The following RAB37 variants were observed in gnomAD, a reference collection of about 807,000 sequenced individuals.
RAB37 encodes RAB37, member RAS oncogene family, also known as ras-related protein Rab-37.
A neutral mutation model predicts 33.1 loss-of-function variants in RAB37; 29 were observed. The ratio of observed to expected loss-of-function variants is 0.88; its 90% CI spans 0.65 to 1.20. The LOEUF (loss-of-function observed/expected upper bound fraction) is 1.20. Among genes scored for constraint, RAB37 ranks in the 50% most tolerant of loss-of-function variants. RAB37 has a pLI of 0.00. For missense variants in RAB37, 299 were observed against 301.1 expected, an observed-to-expected ratio of 0.99 and a Z score of 0.05; for synonymous variants, 128 against 119.5, an observed-to-expected ratio of 1.07 and a Z score of -0.47.
intron 1 of RAB37, among the ~76,000 whole-genome samples, chr17:74,716,310 G>A (rs1470356876): frequency 6.6e-6 from 1 of 152,198 alleles, no homozygotes; most frequent in African/African-American, 2.4e-5. Context: ...GTGTGTGCAT[G>A]TATGTACGTG....
At chr17:74,736,795 G>A (rs2034481684), upstream of RAB37, 2 of 1,535,550 alleles carry the variant, frequency 1.3e-6, no homozygotes, top group South Asian at 1.2e-5. Context: ...CTTAACAGAT[G>A]AGGAAGTGTC....
chr17:74,734,484 G>A (rs2034436907), upstream of RAB37, among the ~76,000 whole-genome samples: 1 of 152,166 alleles, frequency 6.6e-6, no homozygotes, highest in African/African-American at 2.4e-5. Context: ...TACAGTAGAA[G>A]GTGAGCATGA....
intron 1 of RAB37, among the ~76,000 whole-genome samples, chr17:74,701,814 C>T (rs904197162): frequency 1.4e-5 from 2 of 147,616 alleles, no homozygotes; most frequent in Non-Finnish European, 3.0e-5. Context: ...TATACTACTG[C>T]ACTCCAACCT....
At chr17:74,700,468 C>T (rs7211197) in intron 1 of RAB37, among the ~76,000 whole-genome samples, 2,543 of 152,176 alleles carry the variant, frequency 0.017, 50 homozygotes, top group African/African-American at 0.042. Flanking sequence ...CGACTGAGCG[C>T]GGTGGCTTAC....
In RAB37 at chr17:74,745,079, C is replaced by G. The variant is rs772557537; in HGVS notation, c.561C>G (p.Ile187Met). 12 of 1,614,004 alleles carry G rather than the reference C, an allele frequency of 7.4e-6. No homozygotes were observed. Among genetic ancestry groups the G allele is most frequent in the Non-Finnish European group, 1.0e-5 (12 of 1,180,012 alleles). The change falls in exon 8 of 9, where the codon ATC (isoleucine) becomes ATG (methionine). Residue 187 changes from isoleucine to methionine, a missense_variant. Transcript: ENST00000392613. The surrounding 1 kb of genome is among the most constrained non-coding windows in gnomAD (Gnocchi z 4.5). ...GMNVELAFLA[I>M]AKELKYRAGH... ...ATGTGGAGTTAGCCTTTCTGGCCAT[C>G]GCCAAGTGAGAGCTGGGCAGGGAAG...
At chr17:74,679,895 T>C (rs1328994972) in intron 1 of RAB37, among the ~76,000 whole-genome samples, 1 of 150,908 alleles carries the variant, frequency 6.6e-6, no homozygotes, top group Non-Finnish European at 1.5e-5. Flanking sequence ...GGAGAATTGC[T>C]TGAACCCAGG....
intron 1 of RAB37, among the ~76,000 whole-genome samples, chr17:74,718,361 TATC>T (rs2034195861): frequency 7.2e-6 from 1 of 138,812 alleles, no homozygotes; most frequent in Admixed American, 7.5e-5. Context: ...TATCATATCA[TATC>T]CACCCAGTCT....
chr17:74,700,281 C>T (rs1340425636), intron 1 of RAB37, among the ~76,000 whole-genome samples: 1 of 152,170 alleles, frequency 6.6e-6, no homozygotes, highest in Non-Finnish European at 1.5e-5. Flanking sequence ...CTCCTGCCTA[C>T]GACTCACCCC....
chr17:74,703,499 A>G (rs1308548999), intron 1 of RAB37, among the ~76,000 whole-genome samples: 1 of 152,228 alleles, frequency 6.6e-6, no homozygotes, highest in Non-Finnish European at 1.5e-5. Flanking sequence ...AAACAGGAGC[A>G]GAGTGGGAAC....
intron 1 of RAB37, among the ~76,000 whole-genome samples, chr17:74,717,822 A>C (rs1427467135): frequency 6.6e-6 from 1 of 150,946 alleles, no homozygotes; most frequent in Non-Finnish European, 1.5e-5. Context: ...AAAAAAAAAA[A>C]AAAAACAGAA....
chr17:74,728,206 CTG>C (rs1311305989), intron 1 of RAB37, among the ~76,000 whole-genome samples: 1 of 150,958 alleles, frequency 6.6e-6, no homozygotes, highest in African/African-American at 2.4e-5. Context: ...ATGTGTGTTT[CTG>C]TGTGTTTGCA....
intron 1 of RAB37, chr17:74,672,694 C>T (rs1422076329): frequency 6.6e-6 from 1 of 152,194 alleles, no homozygotes; most frequent in Admixed American, 6.5e-5. Context: ...GTATTCTTTC[C>T]TCTATATCCT....
chr17:74,702,749 G>C (rs1232833058), intron 1 of RAB37, among the ~76,000 whole-genome samples: 2 of 152,196 alleles, frequency 1.3e-5, no homozygotes, highest in African/African-American at 4.8e-5. Flanking sequence ...TGTCCCCAGA[G>C]CTCAGCACGG....
chr17:74,680,266 G>T (rs1484679607), intron 1 of RAB37, among the ~76,000 whole-genome samples: 1 of 151,964 alleles, frequency 6.6e-6, no homozygotes, highest in South Asian at 2.1e-4. Flanking sequence ...AGGACAAGGG[G>T]CTTCACCAAG....
At chr17:74,709,175 G>A (rs1211193349) in intron 1 of RAB37, among the ~76,000 whole-genome samples, 1 of 151,022 alleles carries the variant, frequency 6.6e-6, no homozygotes, top group East Asian at 1.9e-4. Context: ...AGTGAGCCAA[G>A]ATCACACCAC....
chr17:74,742,121 T>G lies in RAB37; in HGVS notation c.205-133T>G, dbSNP rs896036664. On this transcript the variant is annotated intron_variant, in intron 2 of 8. Transcript: ENST00000392613. This position sits in a 1 kb window ranked among gnomAD's most constrained non-coding sequence, Gnocchi z 4.0. ...TGGGGTTCCTGCTGCCCTGATGGTATGATCTGGCTGGAGACGGTTCTGGGG... is the reference window on the plus strand; with the variant it reads ...TGGGGTTCCTGCTGCCCTGATGGTAGGATCTGGCTGGAGACGGTTCTGGGG... 1.9e-6 allele frequency: 2 copies of G among 1,062,908 alleles called. No individual in the cohort carries two copies. Among genetic ancestry groups the G allele is most frequent in the Non-Finnish European group, 2.7e-6 (2 of 728,004 alleles). The allele number at this position is 1,062,908 out of a possible 1,614,324, so 65.8% of individuals were successfully genotyped here.
At chr17:74,733,665 G>A (rs544237792), upstream of RAB37, among the ~76,000 whole-genome samples, 10 of 151,698 alleles carry the variant, frequency 6.6e-5, no homozygotes, top group African/African-American at 1.9e-4. Context: ...CTACCACAGC[G>A]CATACACAGC....
chr17:74,741,937 A>G (rs3803787), intron 2 of RAB37, among the ~76,000 whole-genome samples: 44,331 of 152,054 alleles, frequency 0.29, 8,512 homozygotes, highest in African/African-American at 0.54. Context: ...CCGAAGTGGG[A>G]AAAGGGCAGG....
At chr17:74,705,467 T>C (rs1354165618) in intron 1 of RAB37, 8 of 501,542 alleles carry the variant, frequency 1.6e-5, no homozygotes. Flanking sequence ...TTTCCCATTC[T>C]GTTCCATTGA....
Sources: allele counts gnomAD v4.1 joint callset (sites outside exome capture counted in the v4.1 genomes callset), GRCh38; gene constraint gnomAD v4.1.1; non-coding constraint Gnocchi (gnomAD v3.1); transcripts MANE v1.5; gene names NCBI Gene and HGNC (gene_info 2026-07-23, HGNC 2026-07-21).